Variants in NKAIN2 observed in about 807,000 individuals in gnomAD.
NKAIN2 encodes sodium/potassium-transporting ATPase subunit beta-1-interacting protein 2.
A neutral mutation model predicts 32.6 loss-of-function variants in NKAIN2; 14 were observed. The ratio of observed to expected loss-of-function variants is 0.43; its 90% CI spans 0.28 to 0.67. The LOEUF (loss-of-function observed/expected upper bound fraction) is 0.67. Ranked by LOEUF, NKAIN2 falls within the 30% of genes least tolerant of loss-of-function variation. The pLI is 0.17. For missense variants in NKAIN2, 198 were observed against 258.3 expected (o/e 0.77, Z 1.60); for synonymous variants, 80 against 87.2 (o/e 0.92, Z 0.46).
At chr6:123,984,896 A>G (rs1191206031) in intron 1 of NKAIN2, among the ~76,000 whole-genome samples, 1 of 152,230 alleles carries the variant, frequency 6.6e-6, no homozygotes, top group East Asian at 1.9e-4. Context: ...TTCAATAAGC[A>G]AAATTATGAC....
chr6:124,213,578 A>T (rs1313539669), intron 1 of NKAIN2, among the ~76,000 whole-genome samples: 2 of 152,044 alleles, frequency 1.3e-5, no homozygotes, highest in African/African-American at 2.4e-5. Flanking sequence ...TCAGAGGGAG[A>T]AATCTTCAAA....
At position 124,348,299 on chromosome 6, in the gene NKAIN2, G is replaced by T. The variant is rs192671047; in HGVS notation, c.193-6968G>T. Among the ~76,000 whole-genome samples, 1,389 of 152,280 alleles carry T rather than the reference G, an allele frequency of 9.1e-3. 25 individuals are homozygous for T. Among genetic ancestry groups the T allele is most frequent in the African/African-American group, 0.032 (1,322 of 41,580 alleles). On this transcript the variant is annotated intron_variant, in intron 2 of 6. Coordinates refer to ENST00000368417, the MANE Select transcript of NKAIN2 (RefSeq NM_001040214.3). ...GGTCAGGGGTCAGGGGCCCACTTGA[G>T]GAGGCAGTCTGCCCGTTCTCAGATC...
At position 124,280,352 on chromosome 6, in the gene NKAIN2, G is replaced by A. The variant is rs535332247; in HGVS notation, c.55-2653G>A. 5.9e-5 allele frequency among the ~76,000 whole-genome samples: 9 copies of A among 152,192 alleles called. 1 individual carries two copies. The East Asian group carries it at 1.4e-3, about 23-fold the overall frequency. ...GTAGCATATATTATATAATCAGCATGGTCTCTACTATATAACCAACAAAAA... is the reference window on the plus strand; with the variant it reads ...GTAGCATATATTATATAATCAGCATAGTCTCTACTATATAACCAACAAAAA... On this transcript the variant is annotated intron_variant, in intron 1 of 6. Coordinates refer to ENST00000368417, the MANE Select transcript of NKAIN2 (RefSeq NM_001040214.3).
At chr6:123,922,748 T>G (rs1775813078) in intron 1 of NKAIN2, among the ~76,000 whole-genome samples, 1 of 152,200 alleles carries the variant, frequency 6.6e-6, no homozygotes, top group African/African-American at 2.4e-5. Flanking sequence ...CTCAGTTGTT[T>G]CCTTGTATAT....
chr6:124,686,586 G>A (rs557051919), intron 4 of NKAIN2, among the ~76,000 whole-genome samples: 3 of 152,126 alleles, frequency 2.0e-5, no homozygotes, highest in Admixed American at 2.0e-4. Context: ...CCTCCTACCA[G>A]GCCTCACCTC....
chr6:124,494,748 A>G (rs1000577666), intron 3 of NKAIN2, among the ~76,000 whole-genome samples: 2 of 152,082 alleles, frequency 1.3e-5, no homozygotes, highest in African/African-American at 2.4e-5. Context: ...TTGCCACCTC[A>G]GTGTCTTTGT....
At position 123,842,398 on chromosome 6, in the gene NKAIN2, C is replaced by G. The variant is rs141230220; in HGVS notation, c.54+38144C>G. ...AGTAAAAGTACTCTCATGCCTTTTT[C>G]TTTTCTTATAAGGACACTAGACCTA... On this transcript the variant is annotated intron_variant, in intron 1 of 6. Coordinates refer to ENST00000368417, the MANE Select transcript of NKAIN2 (RefSeq NM_001040214.3). Among the ~76,000 whole-genome samples, 151 of 152,090 alleles carry G rather than the reference C, an allele frequency of 9.9e-4. 2 individuals are homozygous for G. The highest frequency in any genetic ancestry group is 3.6e-3 in the African/African-American group (148 of 41,502).
intron 2 of NKAIN2, among the ~76,000 whole-genome samples, chr6:124,350,284 C>T (rs1052857300): frequency 6.6e-5 from 10 of 152,016 alleles, no homozygotes; most frequent in African/African-American, 2.4e-4. Flanking sequence ...ATTTTAAGAG[C>T]AGGGTTTATT....
chr6:124,082,564 TA>T lies in NKAIN2; in HGVS notation c.55-200434del, dbSNP rs914272361. Among the ~76,000 whole-genome samples, 55 of 151,986 alleles carry T rather than the reference TA, an allele frequency of 3.6e-4. 1 individual carries two copies. Among genetic ancestry groups the T allele is most frequent in the African/African-American group, 1.3e-3 (54 of 41,512 alleles). On this transcript the variant is annotated intron_variant, in intron 1 of 6. Transcript: ENST00000368417. ...AATAGAAATGTAGACTTAAAATTTT[TA>T]AAAAAACATTTAGAACAATAGAATA...
chr6:124,219,758 G>A, intron 1 of NKAIN2, among the ~76,000 whole-genome samples: 1 of 152,070 alleles, frequency 6.6e-6, no homozygotes. Flanking sequence ...AAGTAGAATA[G>A]ATTTTGATAT....
chr6:124,220,348 C>A (rs1283394414), intron 1 of NKAIN2, among the ~76,000 whole-genome samples: 1 of 152,100 alleles, frequency 6.6e-6, no homozygotes, highest in Middle Eastern at 3.2e-3. Context: ...ATCAATTAAA[C>A]CTCCTTTGTT....
chr6:123,836,497 G>A (rs1774630159), intron 1 of NKAIN2, among the ~76,000 whole-genome samples: 1 of 151,960 alleles, frequency 6.6e-6, no homozygotes, highest in Non-Finnish European at 1.5e-5. Context: ...ACCAAACGGA[G>A]GGACCTCACA....
intron 1 of NKAIN2, among the ~76,000 whole-genome samples, chr6:123,954,247 C>T (rs73773023): frequency 0.044 from 6,712 of 152,236 alleles, 442 homozygotes; most frequent in African/African-American, 0.14. Context: ...ATTTAGGACT[C>T]GGGGTGTGTG....
intron 1 of NKAIN2, among the ~76,000 whole-genome samples, chr6:124,222,519 A>G (rs1050926687): frequency 3.0e-4 from 45 of 152,166 alleles, no homozygotes; most frequent in African/African-American, 1.1e-3. Context: ...GATTTTTGGA[A>G]AACTCTAAAA....
At chr6:124,468,637 TGAAA>T (rs1041008628) in intron 3 of NKAIN2, among the ~76,000 whole-genome samples, 1 of 152,134 alleles carries the variant, frequency 6.6e-6, no homozygotes, top group African/African-American at 2.4e-5. Flanking sequence ...ACTTCATAAT[TGAAA>T]GAAAAGAAAA....
intron 4 of NKAIN2, among the ~76,000 whole-genome samples, chr6:124,731,248 A>G (rs1776650797): frequency 7.1e-6 from 1 of 140,868 alleles, no homozygotes; most frequent in African/African-American, 2.6e-5. Context: ...GCTGCTATAA[A>G]GACACATGCA....
intron 2 of NKAIN2, among the ~76,000 whole-genome samples, chr6:124,310,062 G>C (rs1396115007): frequency 6.6e-6 from 1 of 152,056 alleles, no homozygotes; most frequent in Non-Finnish European, 1.5e-5. Flanking sequence ...CAGATAAATG[G>C]AGCTTGGTGG....
chr6:124,473,052 C>G (rs996313592), intron 3 of NKAIN2, among the ~76,000 whole-genome samples: 1 of 152,132 alleles, frequency 6.6e-6, no homozygotes, highest in African/African-American at 2.4e-5. Flanking sequence ...TAGAAGCTTT[C>G]TGTTAGAGAA....
intron 1 of NKAIN2, among the ~76,000 whole-genome samples, chr6:124,238,926 C>A (rs1792926232): frequency 6.6e-6 from 1 of 152,062 alleles, no homozygotes; most frequent in South Asian, 2.1e-4. Flanking sequence ...TCACACATAA[C>A]AATATTAACT....
Sources: gnomAD v4.1 joint callset for allele counts (sites outside exome capture counted in the v4.1 genomes callset) on GRCh38, gnomAD v4.1.1 for gene constraint, MANE v1.5 for transcripts, NCBI Gene and HGNC (gene_info 2026-07-23, HGNC 2026-07-21) for gene names.